The following ZNF385D variants were observed in gnomAD, a reference collection of about 807,000 sequenced individuals.
ZNF385D encodes the protein zinc finger protein 385D, also known as zinc finger protein 659.
ZNF385D carries 15 observed loss-of-function variants against 35.8 expected under a neutral mutation model. The observed-to-expected ratio is 0.42, with a 90% CI of 0.28 to 0.64. The LOEUF (loss-of-function observed/expected upper bound fraction) is 0.64. Ranked by LOEUF, ZNF385D falls within the 30% of genes least tolerant of loss-of-function variation. ZNF385D has a pLI of 0.23. For missense variants in ZNF385D, 474 were observed against 494.6 expected (o/e 0.96, Z 0.39); for synonymous variants, 212 against 186.8 (o/e 1.13, Z -1.10).
chr3:22,048,787 CA>C (rs1489369071), intron 3 of ZNF385D, among the ~76,000 whole-genome samples: 1 of 152,078 alleles, frequency 6.6e-6, no homozygotes, highest in Non-Finnish European at 1.5e-5. Context: ...TGGAAAATGT[CA>C]TTGGAATTTT....
At chr3:21,558,318 T>G (rs992928975) in intron 3 of ZNF385D, among the ~76,000 whole-genome samples, 2 of 150,564 alleles carry the variant, frequency 1.3e-5, no homozygotes, top group Non-Finnish European at 3.0e-5. Context: ...CTCCACATGC[T>G]GCTTTAAGTG....
intron 1 of ZNF385D, among the ~76,000 whole-genome samples, chr3:21,735,535 T>C (rs966417854): frequency 2.6e-5 from 4 of 152,176 alleles, no homozygotes; most frequent in African/African-American, 4.8e-5. Context: ...AATTCTTCTA[T>C]TGGATATTAC....
intron 3 of ZNF385D, among the ~76,000 whole-genome samples, chr3:21,758,549 T>A (rs75276434): frequency 6.6e-6 from 1 of 152,078 alleles, no homozygotes; most frequent in African/African-American, 2.4e-5. Context: ...AGGAACCTAA[T>A]ATGGGAGCCA....
At chr3:21,861,983 A>C (rs1697077942) in intron 3 of ZNF385D, among the ~76,000 whole-genome samples, 1 of 152,148 alleles carries the variant, frequency 6.6e-6, no homozygotes, top group Non-Finnish European at 1.5e-5. Flanking sequence ...ACATAAATCA[A>C]GTGAGCCCTA....
intron 2 of ZNF385D, among the ~76,000 whole-genome samples, chr3:22,204,670 TA>T (rs1697026592): frequency 6.6e-6 from 1 of 151,752 alleles, no homozygotes; most frequent in Non-Finnish European, 1.5e-5. Flanking sequence ...GATACTGAAA[TA>T]AGTAAAAAGA....
intron 3 of ZNF385D, among the ~76,000 whole-genome samples, chr3:22,150,340 TTTTGC>T (rs1364798562): frequency 6.6e-6 from 1 of 152,042 alleles, no homozygotes; most frequent in Non-Finnish European, 1.5e-5. Flanking sequence ...ACATGAATAG[TTTTGC>T]TTTATTTATA....
intron 3 of ZNF385D, among the ~76,000 whole-genome samples, chr3:21,853,566 C>T (rs1317474624): frequency 4.2e-5 from 6 of 142,672 alleles, no homozygotes; most frequent in African/African-American, 1.3e-4. Flanking sequence ...TGCCTCAGTA[C>T]GTAATTGTGG....
intron 2 of ZNF385D, among the ~76,000 whole-genome samples, chr3:21,631,121 C>G (rs13064912): frequency 0.16 from 24,603 of 151,990 alleles, 2,247 homozygotes; most frequent in African/African-American, 0.24. Context: ...TTGTGGGGAA[C>G]GTGAGGTATA....
intron 3 of ZNF385D, among the ~76,000 whole-genome samples, chr3:21,795,954 G>C (rs564460291): frequency 1.3e-5 from 2 of 152,122 alleles, no homozygotes; most frequent in Non-Finnish European, 2.9e-5. Flanking sequence ...AGAACTTAAG[G>C]CATACATTTG....
At chr3:21,627,870 A>T (rs1451001884) in intron 2 of ZNF385D, among the ~76,000 whole-genome samples, 1 of 152,094 alleles carries the variant, frequency 6.6e-6, no homozygotes, top group Non-Finnish European at 1.5e-5. Context: ...AAGCAACAAT[A>T]AGGGTAGATT....
intron 3 of ZNF385D, among the ~76,000 whole-genome samples, chr3:22,096,176 G>A (rs548493177): frequency 6.6e-6 from 1 of 151,878 alleles, no homozygotes; most frequent in Non-Finnish European, 1.5e-5. Context: ...GGAGGGCAGG[G>A]AGAGAAGGAG....
In ZNF385D at chr3:22,233,335, A is replaced by G. The variant is rs190719464; in HGVS notation, c.107-64300T>C. On this transcript the variant is annotated intron_variant, in intron 2 of 5. Transcript: ENST00000494108. ...AGCCAGACACAAAAGGGTAAGTACTATATTATTTCACTTAAAAGAAATTAT... is the reference window on the plus strand; with the variant it reads ...AGCCAGACACAAAAGGGTAAGTACTGTATTATTTCACTTAAAAGAAATTAT... Among the ~76,000 whole-genome samples the G allele has an allele frequency of 1.2e-4, 19 of 152,250 alleles. 1 individual carries two copies. In the East Asian group the frequency reaches 3.7e-3, roughly 29 times the overall value.
chr3:22,066,329 T>TGTGTGTGC (rs1699947950), intron 3 of ZNF385D, among the ~76,000 whole-genome samples: 1 of 151,408 alleles, frequency 6.6e-6, no homozygotes, highest in African/African-American at 2.4e-5. Flanking sequence ...TATGTGTGTG[T>TGTGTGTGC]ATTAGTAAAA....
rs76584074 is a variant in ZNF385D at position 21,483,235 on chromosome 3, A to G, written c.439+27626T>C. ...GAGAATGTCACATAAGTGGAATAGTAAAAGATGGATCACTTTGAGATTGGT... is the reference window on the plus strand; with the variant it reads ...GAGAATGTCACATAAGTGGAATAGTGAAAGATGGATCACTTTGAGATTGGT... On this transcript the variant is annotated intron_variant, in intron 4 of 7. Coordinates refer to ENST00000281523, the MANE Select transcript of ZNF385D (RefSeq NM_024697.3). Among the ~76,000 whole-genome samples, 402 of 152,304 alleles carry G rather than the reference A, an allele frequency of 2.6e-3. 13 individuals are homozygous for G. The South Asian group carries it at 0.038, about 14-fold the overall frequency.
At chr3:21,950,908 T>C (rs142588009) in intron 3 of ZNF385D, among the ~76,000 whole-genome samples, 1,938 of 151,804 alleles carry the variant, frequency 0.013, 112 homozygotes, top group African/African-American at 0.044. Context: ...GGTCTGTATA[T>C]CTGTTTTGGT....
chr3:21,817,827 T>C (rs2073219539), intron 3 of ZNF385D, among the ~76,000 whole-genome samples: 1 of 152,202 alleles, frequency 6.6e-6, no homozygotes, highest in African/African-American at 2.4e-5. Flanking sequence ...TTACTGGGTA[T>C]ATATCCAAAG....
chr3:21,929,263 ACT>A (rs1377612328), intron 3 of ZNF385D, among the ~76,000 whole-genome samples: 4 of 152,222 alleles, frequency 2.6e-5, no homozygotes, highest in South Asian at 4.1e-4. Flanking sequence ...AAAATATTAT[ACT>A]CATTTATCAT....
intron 3 of ZNF385D, among the ~76,000 whole-genome samples, chr3:22,142,629 T>C (rs1038828741): frequency 3.9e-5 from 6 of 152,150 alleles, no homozygotes; most frequent in African/African-American, 1.4e-4. Context: ...GTTAATGGTA[T>C]AGACTAGATC....
chr3:22,199,678 CTG>C (rs1696651893), intron 2 of ZNF385D, among the ~76,000 whole-genome samples: 1 of 152,092 alleles, frequency 6.6e-6, no homozygotes, highest in Admixed American at 6.6e-5. Flanking sequence ...GATGGAAACA[CTG>C]TAGTAAAAAA....
Sources: gnomAD v4.1 joint callset for allele counts (sites outside exome capture counted in the v4.1 genomes callset) on GRCh38, gnomAD v4.1.1 for gene constraint, MANE v1.5 for transcripts, NCBI Gene and HGNC (gene_info 2026-07-23, HGNC 2026-07-21) for gene names.